The following OR51E1 variants were observed in gnomAD, a reference collection of about 807,000 sequenced individuals.
OR51E1 encodes the protein olfactory receptor 51E1.
A neutral mutation model predicts 11.5 loss-of-function variants in OR51E1; 9 were observed. That is an observed-to-expected ratio of 0.78 (90% CI 0.47 to 1.37). OR51E1 has a LOEUF of 1.37. OR51E1 is among the 40% of genes most tolerant of loss of function. OR51E1 has a pLI of 0.00. For synonymous variants in OR51E1, 168 were observed against 158.3 expected, an observed-to-expected ratio of 1.06 and a Z score of -0.46; for missense variants, 397 against 410.2, an observed-to-expected ratio of 0.97 and a Z score of 0.28.
chr11:4,653,447 A>G lies in OR51E1; in HGVS notation c.921A>G (p.Arg307=), dbSNP rs1418519175. The G allele has an allele frequency of 1.2e-6, 2 of 1,613,566 alleles. No homozygotes were observed. The highest frequency in any genetic ancestry group is 3.3e-5 in the Admixed American group (2 of 59,994). ...AGGAGATTCGACAGCGCATCCTTCG[A>G]CTTTTCCATGTGGCCACACACGCTT... ...KTKEIRQRIL[R]LFHVATHASE... is the part of the protein sequence containing the mutation. Residue 307 remains arginine, a synonymous_variant, in exon 2 of 2, where the codon CGA becomes CGG. Transcript: ENST00000396952.
chr11:4,651,130 T>C (rs993395897), intron 1 of OR51E1, among the ~76,000 whole-genome samples: 4 of 152,212 alleles, frequency 2.6e-5, no homozygotes, highest in African/African-American at 4.8e-5. Context: ...ACCTCAGTAA[T>C]ATCAAATCAT....
At position 4,653,665 on chromosome 11, in the gene OR51E1, T is replaced by C. The variant is rs759710795; in HGVS notation, c.*182T>C. 1.8e-6 allele frequency: 1 copy of C among 556,112 alleles called. No homozygotes were observed. The highest frequency in any genetic ancestry group is 3.2e-6 in the Non-Finnish European group (1 of 307,986). The allele number at this position is 556,112 out of a possible 1,614,324, so 34.4% of individuals were successfully genotyped here. On this transcript the variant is annotated 3_prime_UTR_variant, in exon 2 of 2. Coordinates refer to ENST00000396952, the MANE Select transcript of OR51E1 (RefSeq NM_152430.4). ...AATATTATTTTCTTCTTTGTTTTCTTGCTACATATAATTATTAATACCCTG... is the reference window on the plus strand; with the variant it reads ...AATATTATTTTCTTCTTTGTTTTCTCGCTACATATAATTATTAATACCCTG...
Position 4,653,722 on chromosome 11 carries a change from C to T in OR51E1, c.*239C>T. The stretch of plus-strand genomic sequence containing the variant: ...TTGTGGTTGGAGGGTTATTACTTTT[C>T]ATTTTACCATGCAGTCCAAATCTAA... On this transcript the variant is annotated 3_prime_UTR_variant, in exon 2 of 2. Transcript: ENST00000396952. 4.7e-6 allele frequency: 2 copies of T among 430,026 alleles called. No individual in the cohort carries two copies. The highest frequency in any genetic ancestry group is 8.6e-6 in the Non-Finnish European group (2 of 232,920). The allele number at this position is 430,026 out of a possible 1,614,324, so 26.6% of individuals were successfully genotyped here. A position where few individuals can be genotyped will look rare whatever the true frequency, so the allele number is the denominator to read the frequency against.
In OR51E1 at chr11:4,647,275, G is replaced by A. The variant is rs537801496; in HGVS notation, c.-40+3245G>A. Among the ~76,000 whole-genome samples, 78 of 152,158 alleles carry A rather than the reference G, an allele frequency of 5.1e-4. 1 individual carries two copies. Among genetic ancestry groups the A allele is most frequent in the Admixed American group, 2.0e-3 (30 of 15,286 alleles). On this transcript the variant is annotated intron_variant, in intron 1 of 1. Transcript: ENST00000396952. ...AAAGGTGACCTCATTGTTCTCTTGG[G>A]TCAGAAGAGATAGGGCTAATAGGCT...
rs773512756 is a variant in OR51E1 at position 4,653,407 on chromosome 11, A to G, written c.881A>G (p.Tyr294Cys). Residue 294 changes from tyrosine to cysteine, a missense_variant, in exon 2 of 2, where the codon TAT becomes TGT. Coordinates refer to ENST00000396952, the MANE Select transcript of OR51E1 (RefSeq NM_152430.4). ...CCTCCTGTGCTCAACCCAATTGTCT[A>G]TGGAGTGAAGACAAAGGAGATTCGA... is the stretch of plus-strand genomic sequence containing the variant. Reference protein sequence around the residue: ...LVPPVLNPIVYGVKTKEIRQR... With the variant: ...LVPPVLNPIVCGVKTKEIRQR... 8 of 1,614,110 alleles carry G rather than the reference A, an allele frequency of 5.0e-6. No individual in the cohort carries two copies. Among genetic ancestry groups the G allele is most frequent in the Middle Eastern group, 1.6e-4 (1 of 6,062 alleles).
In OR51E1 at chr11:4,652,598, A is replaced by G; in HGVS notation, c.72A>G (p.Glu24=). Residue 24 remains glutamate (E), a synonymous_variant, in exon 2 of 2, where the codon GAA becomes GAG. Coordinates refer to ENST00000396952, the MANE Select transcript of OR51E1 (RefSeq NM_152430.4). ...YFILIGLPGL[E]EAQFWLAFPL... is the part of the protein sequence containing the mutation. ...TCCTAATAGGCCTCCCTGGTTTAGA[A>G]GAGGCTCAGTTCTGGTTGGCCTTCC... 6.2e-7 allele frequency: 1 copy of G among 1,614,144 alleles called. No individual in the cohort carries two copies. Among genetic ancestry groups the G allele is most frequent in the Non-Finnish European group, 8.5e-7 (1 of 1,179,996 alleles).
chr11:4,650,093 T>G (rs940675794), intron 1 of OR51E1, among the ~76,000 whole-genome samples: 2 of 152,206 alleles, frequency 1.3e-5, no homozygotes, highest in Non-Finnish European at 2.9e-5. Flanking sequence ...GACAATTAGG[T>G]GAACCCTTTT....
intron 1 of OR51E1, among the ~76,000 whole-genome samples, chr11:4,647,791 A>T (rs1336577626): frequency 2.0e-5 from 3 of 152,222 alleles, no homozygotes; most frequent in Non-Finnish European, 2.9e-5. Flanking sequence ...ATTCACAGAA[A>T]ATCTCAGCAC....
At position 4,653,112 on chromosome 11, in the gene OR51E1, CG is replaced by C. The variant is rs752366914; in HGVS notation, c.589del (p.Val197SerfsTer35). 9.9e-6 allele frequency: 16 copies of C among 1,613,446 alleles called. No individual in the cohort carries two copies. The highest frequency in any genetic ancestry group is 6.7e-5 in the Admixed American group (4 of 59,974). The stretch of plus-strand genomic sequence containing the variant: ...CATGAAGCTGGCCTGTGATGATATC[CG>C]GGTCAATGTCGTCTATGGCCTTATC... ...DVMKLACDDIRVNVVYGLIVI... is the reference protein window; with the variant it reads ...DVMKLACDDIXVNVVYGLIVI... On this transcript the variant is annotated frameshift_variant, in exon 2 of 2. Coordinates refer to ENST00000396952, the MANE Select transcript of OR51E1 (RefSeq NM_152430.4). LOFTEE classifies it high-confidence loss of function.
In OR51E1 at chr11:4,655,070, C is replaced by T. The variant is rs1188891294; in HGVS notation, c.*1587C>T. ...TGTCATCTCTGTTCATCATTGACTG[C>T]TCTTTGCTCATCATTGAATCCCCCA... On this transcript the variant is annotated 3_prime_UTR_variant, in exon 2 of 2. Coordinates refer to ENST00000396952, the MANE Select transcript of OR51E1 (RefSeq NM_152430.4). The T allele has an allele frequency of 1.8e-5, 3 of 167,190 alleles. No homozygotes were observed. The highest frequency in any genetic ancestry group is 2.1e-4 in the South Asian group (1 of 4,820). 10.4% of individuals were successfully genotyped at this position (167,190 alleles called of 1,614,324 possible).
chr11:4,645,717 C>T (rs369911697), intron 1 of OR51E1, among the ~76,000 whole-genome samples: 5 of 152,250 alleles, frequency 3.3e-5, no homozygotes, highest in Admixed American at 3.3e-4. Context: ...CTTATCTGGT[C>T]CTACTCAGGA....
rs1026793477 is a variant in OR51E1 at position 4,652,411 on chromosome 11, C to G, written c.-39-77C>G. The G allele has an allele frequency of 9.8e-5, 66 of 673,240 alleles. No individual in the cohort carries two copies. In the South Asian group the frequency reaches 1.0e-3, roughly 11 times the overall value. 41.7% of individuals were successfully genotyped at this position (673,240 alleles called of 1,614,324 possible). On this transcript the variant is annotated intron_variant, in intron 1 of 1. Transcript: ENST00000396952. ...TGGATTTAGAGTTTGAGTTAGAGAA[C>G]AGTACATCAGGATAGAGTCAGGTGT...
chr11:4,645,656 A>G (rs1433783350), intron 1 of OR51E1, among the ~76,000 whole-genome samples: 1 of 152,182 alleles, frequency 6.6e-6, no homozygotes, highest in Non-Finnish European at 1.5e-5. Flanking sequence ...CAGCCAGAAT[A>G]GCTCTACAGG....
intron 1 of OR51E1, among the ~76,000 whole-genome samples, chr11:4,645,649 C>T (rs938959695): frequency 1.3e-5 from 2 of 152,152 alleles, no homozygotes; most frequent in Non-Finnish European, 2.9e-5. Context: ...TTGCTTGCAG[C>T]CAGAATAGCT....
chr11:4,655,261 T>C lies in OR51E1; in HGVS notation c.*1778T>C, dbSNP rs906813944. ...TTCCAATGTGAGTGGAAGTGACATG[T>C]GCAATTTCTATACCTGGCTCATAAA... is the stretch of plus-strand genomic sequence containing the variant. On this transcript the variant is annotated 3_prime_UTR_variant, in exon 2 of 2. Coordinates refer to ENST00000396952, the MANE Select transcript of OR51E1 (RefSeq NM_152430.4). 1.8e-5 allele frequency: 3 copies of C among 167,116 alleles called. No homozygotes were observed. The highest frequency in any genetic ancestry group is 6.5e-5 in the Admixed American group (1 of 15,292). The allele number at this position is 167,116 out of a possible 1,614,324, so 10.4% of individuals were successfully genotyped here. A position where few individuals can be genotyped will look rare whatever the true frequency, so the allele number is the denominator to read the frequency against.
In OR51E1 at chr11:4,653,658, G is replaced by C; in HGVS notation, c.*175G>C. ...TTTTTTCAATATTATTTTCTTCTTT[G>C]TTTTCTTGCTACATATAATTATTAA... On this transcript the variant is annotated 3_prime_UTR_variant, in exon 2 of 2. Coordinates refer to ENST00000396952, the MANE Select transcript of OR51E1 (RefSeq NM_152430.4). 1.8e-6 allele frequency: 1 copy of C among 555,910 alleles called. No individual in the cohort carries two copies. Among genetic ancestry groups the C allele is most frequent in the East Asian group, 3.0e-5 (1 of 33,398 alleles). 34.4% of individuals were successfully genotyped at this position (555,910 alleles called of 1,614,324 possible).
chr11:4,650,603 T>C (rs759310004), intron 1 of OR51E1, among the ~76,000 whole-genome samples: 12 of 152,176 alleles, frequency 7.9e-5, no homozygotes, highest in Non-Finnish European at 1.6e-4. Flanking sequence ...TTGATGCTGG[T>C]ACAAAGATTT....
At chr11:4,644,411 G>A (rs1295359840) in intron 1 of OR51E1, among the ~76,000 whole-genome samples, 8 of 152,046 alleles carry the variant, frequency 5.3e-5, no homozygotes, top group Admixed American at 3.3e-4. Context: ...CAGGGTGAAC[G>A]TGGTTGAAGC....
rs1847145143 is a variant in OR51E1 at position 4,654,572 on chromosome 11, G to T, written c.*1089G>T. The stretch of plus-strand genomic sequence containing the variant: ...ATAGGTGATTCTGATAGGCAGTGAG[G>T]TTAGGGAGCCACCAGTTATGATGGG... On this transcript the variant is annotated 3_prime_UTR_variant, in exon 2 of 2. Transcript: ENST00000396952. 1 of 167,110 alleles carries T rather than the reference G, an allele frequency of 6.0e-6. No individual in the cohort carries two copies. Among genetic ancestry groups the T allele is most frequent in the Admixed American group, 6.5e-5 (1 of 15,290 alleles). 10.4% of individuals were successfully genotyped at this position (167,110 alleles called of 1,614,324 possible). A position where few individuals can be genotyped will look rare whatever the true frequency, so the allele number is the denominator to read the frequency against.
Sources: gnomAD v4.1 joint callset for allele counts (sites outside exome capture counted in the v4.1 genomes callset) on GRCh38, gnomAD v4.1.1 for gene constraint, MANE v1.5 for transcripts, NCBI Gene and HGNC (gene_info 2026-07-23, HGNC 2026-07-21) for gene names.